DTNBP1: variants seen among roughly 807,000 people sequenced by gnomAD.
DTNBP1 encodes the protein dysbindin.
A neutral mutation model predicts 42.8 loss-of-function variants in DTNBP1; 35 were observed. That is an observed-to-expected ratio of 0.82 (90% CI 0.63 to 1.09). The LOEUF is 1.09. Ranked by LOEUF, DTNBP1 falls within the 50% of genes least tolerant of loss-of-function variation. The pLI is 0.00. For synonymous variants in DTNBP1, 171 were observed against 162.2 expected, an observed-to-expected ratio of 1.05 and a Z score of -0.41; for missense variants, 457 against 424.2, an observed-to-expected ratio of 1.08 and a Z score of -0.68.
At chr6:15,564,719 G>A (rs1774994666) in intron 7 of DTNBP1, among the ~76,000 whole-genome samples, 1 of 152,040 alleles carries the variant, frequency 6.6e-6, no homozygotes, top group African/African-American at 2.4e-5. Flanking sequence ...TAAGAAATAG[G>A]CAAAATATTT....
At chr6:15,643,389 A>G (rs998892107) in intron 3 of DTNBP1, among the ~76,000 whole-genome samples, 1 of 152,218 alleles carries the variant, frequency 6.6e-6, no homozygotes, top group Admixed American at 6.5e-5. Context: ...ATAATCCAGG[A>G]AAATTTCTCC....
intron 7 of DTNBP1, among the ~76,000 whole-genome samples, chr6:15,553,788 C>T (rs9476844): frequency 0.15 from 23,261 of 151,596 alleles, 2,631 homozygotes; most frequent in African/African-American, 0.31. Flanking sequence ...GGACACAATA[C>T]CCCAAAATAT....
rs1776128545 is a variant in DTNBP1, at chr6:15,587,513, C to T, written c.511+5546G>A. ...GACGTCCCAATTTCAAATCTTACTACGAAGCTACACTAGTCAAGGCAGTGT... is the reference window on the plus strand; with the variant it reads ...GACGTCCCAATTTCAAATCTTACTATGAAGCTACACTAGTCAAGGCAGTGT... On this transcript the variant is annotated intron_variant, in intron 7 of 9. Coordinates refer to ENST00000344537, the MANE Select transcript of DTNBP1 (RefSeq NM_032122.5). This position sits in a 1 kb window ranked among gnomAD's most constrained non-coding sequence, Gnocchi z 4.1. Among the ~76,000 whole-genome samples the T allele has an allele frequency of 6.6e-6, 1 of 152,136 alleles. No individual in the cohort carries two copies.
intron 6 of DTNBP1, among the ~76,000 whole-genome samples, chr6:15,606,970 CT>C (rs1581386240): frequency 6.6e-6 from 1 of 151,058 alleles, no homozygotes; most frequent in East Asian, 1.9e-4. Context: ...CAAATTGATT[CT>C]GTGAGCAAGT....
At chr6:15,590,963 T>C (rs1467704903) in intron 7 of DTNBP1, among the ~76,000 whole-genome samples, 2 of 152,194 alleles carry the variant, frequency 1.3e-5, no homozygotes, top group African/African-American at 4.8e-5. Context: ...GTAACACCTT[T>C]TATTTTCCTG....
At chr6:15,635,573 C>A (rs914475285) in intron 4 of DTNBP1, among the ~76,000 whole-genome samples, 6 of 152,194 alleles carry the variant, frequency 3.9e-5, no homozygotes, top group African/African-American at 1.4e-4. Context: ...CTTTCTAGAA[C>A]TATTTAGGTT....
In DTNBP1 at chr6:15,542,151, T is replaced by C. The variant is rs562395870; in HGVS notation, c.512-8756A>G. 4.6e-5 allele frequency among the ~76,000 whole-genome samples: 7 copies of C among 152,318 alleles called. No homozygotes were observed. The East Asian group carries it at 5.8e-4, about 13-fold the overall frequency. ...TGTTTTTATATTGAGTTAGGAAATA[T>C]GAGTTTTGTGATATTAAAATACATG... On this transcript the variant is annotated intron_variant, in intron 7 of 9. Coordinates refer to ENST00000344537, the MANE Select transcript of DTNBP1 (RefSeq NM_032122.5).
intron 5 of DTNBP1, among the ~76,000 whole-genome samples, chr6:15,616,581 G>A (rs1581397083): frequency 6.6e-6 from 1 of 152,252 alleles, no homozygotes; most frequent in Non-Finnish European, 1.5e-5. Context: ...CAAGTTGGCT[G>A]TGCAGCCTTC....
chr6:15,566,738 T>C (rs1382045011), intron 7 of DTNBP1, among the ~76,000 whole-genome samples: 1 of 148,454 alleles, frequency 6.7e-6, no homozygotes, highest in Non-Finnish European at 1.5e-5. Context: ...TCTCTCTCTA[T>C]CGTTCAGGAT....
intron 7 of DTNBP1, among the ~76,000 whole-genome samples, chr6:15,577,371 G>C (rs952019239): frequency 6.6e-6 from 1 of 152,248 alleles, no homozygotes; most frequent in Non-Finnish European, 1.5e-5. Context: ...GAAGCCCAGG[G>C]AGGATGCCCG....
In DTNBP1 at chr6:15,640,408, T is replaced by C. The variant is rs139222889; in HGVS notation, c.162-2604A>G. Among the ~76,000 whole-genome samples the C allele has an allele frequency of 1.9e-3, 293 of 152,334 alleles. 4 individuals are homozygous for C. The Middle Eastern group carries it at 0.024, about 12-fold the overall frequency. On this transcript the variant is annotated intron_variant, in intron 3 of 9. Transcript: ENST00000344537. ...AACGTCTTTAAAAATCACAAGTCAATGATGATGAAATGAAGAAGCCACATT... is the reference window on the plus strand; with the variant it reads ...AACGTCTTTAAAAATCACAAGTCAACGATGATGAAATGAAGAAGCCACATT...
chr6:15,613,501 G>A (rs926751106), intron 6 of DTNBP1, among the ~76,000 whole-genome samples: 2 of 151,236 alleles, frequency 1.3e-5, no homozygotes, highest in African/African-American at 2.4e-5. Flanking sequence ...CGAGTAGCTG[G>A]GACTACAGGC....
chr6:15,553,865 G>A (rs1447041169), intron 7 of DTNBP1, among the ~76,000 whole-genome samples: 2 of 151,998 alleles, frequency 1.3e-5, no homozygotes, highest in African/African-American at 2.4e-5. Flanking sequence ...CAGGAGGATC[G>A]CTCTCACCTT....
At chr6:15,592,689 G>A (rs762503246) in intron 7 of DTNBP1, among the ~76,000 whole-genome samples, 4 of 152,128 alleles carry the variant, frequency 2.6e-5, no homozygotes, top group Non-Finnish European at 4.4e-5. Flanking sequence ...CAGGAGGTTC[G>A]AGTGACTGCA....
chr6:15,639,265 T>C (rs1325536924), intron 3 of DTNBP1, among the ~76,000 whole-genome samples: 1 of 152,234 alleles, frequency 6.6e-6, no homozygotes, highest in African/African-American at 2.4e-5. Flanking sequence ...CTGAAATTGC[T>C]TGTTCTATTT....
chr6:15,593,919 A>C (rs1056690800), intron 6 of DTNBP1, among the ~76,000 whole-genome samples: 2 of 152,190 alleles, frequency 1.3e-5, no homozygotes, highest in Non-Finnish European at 2.9e-5. Context: ...TTCTTAAATC[A>C]ATTTTCTACA....
chr6:15,550,525 T>C (rs904638935), intron 7 of DTNBP1, among the ~76,000 whole-genome samples: 9 of 152,200 alleles, frequency 5.9e-5, no homozygotes, highest in African/African-American at 2.2e-4. Context: ...ATGCCACCAG[T>C]TGGAAATATC....
intron 6 of DTNBP1, among the ~76,000 whole-genome samples, chr6:15,611,021 T>G (rs1758363591): frequency 6.6e-6 from 1 of 152,246 alleles, no homozygotes; most frequent in African/African-American, 2.4e-5. Context: ...AATAGACTTT[T>G]ATTGGAAGAA....
chr6:15,602,030 G>C (rs1776752113), intron 6 of DTNBP1, among the ~76,000 whole-genome samples: 1 of 151,064 alleles, frequency 6.6e-6, no homozygotes. Flanking sequence ...CCAGCTACTT[G>C]GGAGGCTGAG....
Sources: allele counts gnomAD v4.1 joint callset (sites outside exome capture counted in the v4.1 genomes callset), GRCh38; gene constraint gnomAD v4.1.1; non-coding constraint Gnocchi (gnomAD v3.1); transcripts MANE v1.5; gene names NCBI Gene and HGNC (gene_info 2026-07-23, HGNC 2026-07-21).